The following RASSF8 variants were observed in gnomAD, a reference collection of about 807,000 sequenced individuals.
RASSF8 encodes Ras association domain family member 8.
RASSF8 carries 22 observed loss-of-function variants against 48.5 expected under a neutral mutation model. The ratio of observed to expected loss-of-function variants is 0.45; its 90% confidence interval spans 0.32 to 0.65. The LOEUF is 0.65. RASSF8 is among the 30% of genes least tolerant of loss of function. RASSF8 has a pLI of 0.03. For missense variants in RASSF8, 418 were observed against 489.2 expected, an observed-to-expected ratio of 0.85 and a Z score of 1.37; for synonymous variants, 127 against 171.5, an observed-to-expected ratio of 0.74 and a Z score of 2.03.
intron 2 of RASSF8, among the ~76,000 whole-genome samples, chr12:26,043,255 T>G (rs1263499330): frequency 2.0e-5 from 3 of 152,094 alleles, no homozygotes; most frequent in Non-Finnish European, 4.4e-5. Flanking sequence ...GTGCAAAAAT[T>G]AGCAGAGAAG....
intron 2 of RASSF8, among the ~76,000 whole-genome samples, chr12:26,050,828 A>G (rs1169980927): frequency 6.6e-6 from 1 of 152,222 alleles, no homozygotes; most frequent in African/African-American, 2.4e-5. Flanking sequence ...TGTGTTTTTC[A>G]TAGATTCTTT....
intron 1 of RASSF8, among the ~76,000 whole-genome samples, chr12:25,986,224 G>C (rs1565605470): frequency 6.6e-6 from 1 of 152,256 alleles, no homozygotes; most frequent in East Asian, 1.9e-4. Context: ...ACATTAATTA[G>C]ATCTTCTTCC....
At position 25,980,333 on chromosome 12, in the gene RASSF8, T is replaced by TA. The variant is rs530827857; in HGVS notation, c.-202-14703dup. Among the ~76,000 whole-genome samples the TA allele has an allele frequency of 8.8e-4, 134 of 152,188 alleles. 2 individuals are homozygous for TA. Among genetic ancestry groups the TA allele is most frequent in the Non-Finnish European group, 1.5e-3 (103 of 68,028 alleles). ...GTAATCTATTCTAAGATAAATGCCA[T>TA]ATATACAACAAAATGGTCATTATCT... On this transcript the variant is annotated intron_variant, in intron 1 of 5. Coordinates refer to ENST00000689635, the MANE Select transcript of RASSF8 (RefSeq NM_001394098.1).
intron 2 of RASSF8, among the ~76,000 whole-genome samples, chr12:26,013,747 T>A (rs1942582768): frequency 6.6e-6 from 1 of 152,250 alleles, no homozygotes; most frequent in Admixed American, 6.5e-5. Flanking sequence ...GATGTTTTTC[T>A]AATATATGTA....
chr12:26,011,706 G>C (rs762857640), intron 2 of RASSF8: 1 of 152,090 alleles, frequency 6.6e-6, no homozygotes, highest in African/African-American at 2.4e-5. Flanking sequence ...TGCCCCCTCC[G>C]CCATGGGAGG....
chr12:25,994,987 T>A (rs1222577254), intron 1 of RASSF8, 50 bp from the exon 2 acceptor site: 2 of 152,172 alleles, frequency 1.3e-5, no homozygotes, highest in Admixed American at 6.5e-5. Context: ...ATTTAGTATT[T>A]TTAAGATACA....
chr12:26,067,032 A>G (rs1338022881), intron 4 of RASSF8, among the ~76,000 whole-genome samples: 1 of 152,198 alleles, frequency 6.6e-6, no homozygotes, highest in Non-Finnish European at 1.5e-5. Flanking sequence ...TCAATAATGT[A>G]TCCCATGAAA....
At chr12:25,965,052 C>G (rs909973831) in intron 1 of RASSF8, among the ~76,000 whole-genome samples, 1 of 152,064 alleles carries the variant, frequency 6.6e-6, no homozygotes, top group South Asian at 2.1e-4. Flanking sequence ...ATGCCATTCT[C>G]CCGCCTCAGC....
intron 1 of RASSF8, among the ~76,000 whole-genome samples, chr12:25,994,595 T>C (rs1463425947): frequency 6.6e-6 from 1 of 152,200 alleles, no homozygotes; most frequent in Non-Finnish European, 1.5e-5. Context: ...TTGTTTTTAT[T>C]TTTTAGGACT....
intron 2 of RASSF8, among the ~76,000 whole-genome samples, chr12:26,044,420 T>C (rs1263291963): frequency 6.6e-6 from 1 of 152,204 alleles, no homozygotes; most frequent in East Asian, 1.9e-4. Flanking sequence ...GGTTTTTCCC[T>C]CCTTAAGCAT....
At chr12:26,047,815 C>T (rs1370079168) in intron 2 of RASSF8, among the ~76,000 whole-genome samples, 1 of 152,206 alleles carries the variant, frequency 6.6e-6, no homozygotes, top group Non-Finnish European at 1.5e-5. Context: ...AAGACAGCCA[C>T]ACTGTGAAAG....
At chr12:26,030,927 G>A (rs1943017417) in intron 2 of RASSF8, among the ~76,000 whole-genome samples, 1 of 152,082 alleles carries the variant, frequency 6.6e-6, no homozygotes, top group Non-Finnish European at 1.5e-5. Flanking sequence ...GAACCCGACT[G>A]TTTTCAATTC....
intron 2 of RASSF8, among the ~76,000 whole-genome samples, chr12:26,049,057 CCTCCTTCATCTTTTT>C (rs1241441092): frequency 2.0e-5 from 3 of 152,160 alleles, no homozygotes; most frequent in African/African-American, 7.2e-5. Context: ...TGTGCCCAGC[CCTCCTTCATCTTTTT>C]TAAGGTATGG....
At chr12:26,025,965 A>G (rs981017940) in intron 2 of RASSF8, among the ~76,000 whole-genome samples, 6 of 152,188 alleles carry the variant, frequency 3.9e-5, no homozygotes, top group Non-Finnish European at 5.9e-5. Flanking sequence ...TTAGCCCCCT[A>G]TATACACGTA....
chr12:25,962,579 T>C (rs1941262322), intron 1 of RASSF8, among the ~76,000 whole-genome samples: 1 of 152,130 alleles, frequency 6.6e-6, no homozygotes, highest in African/African-American at 2.4e-5. Context: ...AAGATCGTAA[T>C]ATCAGTTTGT....
chr12:26,000,763 A>T (rs1425455214), intron 2 of RASSF8, among the ~76,000 whole-genome samples: 1 of 152,164 alleles, frequency 6.6e-6, no homozygotes, highest in Admixed American at 6.5e-5. Context: ...ATCTAAACGT[A>T]TCTAAACATA....
At chr12:26,024,469 G>C (rs999566528) in intron 2 of RASSF8, among the ~76,000 whole-genome samples, 1 of 152,038 alleles carries the variant, frequency 6.6e-6, no homozygotes, top group Admixed American at 6.6e-5. Context: ...CTCATTCTGC[G>C]AGGCCAGAAT....
intron 2 of RASSF8, among the ~76,000 whole-genome samples, chr12:26,025,216 A>G (rs986099413): frequency 7.2e-5 from 11 of 152,024 alleles, no homozygotes; most frequent in African/African-American, 2.4e-4. Flanking sequence ...TCTATTCAAC[A>G]TTGTGATGGA....
chr12:26,009,609 T>G (rs540281588), intron 2 of RASSF8, among the ~76,000 whole-genome samples: 2 of 152,172 alleles, frequency 1.3e-5, no homozygotes, highest in South Asian at 4.2e-4. Context: ...CCTGGGATAC[T>G]CAAATATTAA....
Sources: allele counts gnomAD v4.1 joint callset (sites outside exome capture counted in the v4.1 genomes callset), GRCh38; gene constraint gnomAD v4.1.1; transcripts MANE v1.5; gene names NCBI Gene and HGNC (gene_info 2026-07-23, HGNC 2026-07-21).